Variants in DOCK3 observed in about 807,000 individuals in gnomAD.
The protein encoded by DOCK3 is dedicator of cytokinesis protein 3.
In DOCK3, 60 loss-of-function variants were observed where a neutral mutation model predicts 265.6. The ratio of observed to expected loss-of-function variants is 0.23; its 90% CI spans 0.18 to 0.28. The LOEUF (loss-of-function observed/expected upper bound fraction) is 0.28, where lower values mean the gene tolerates loss of function less well. DOCK3 is among the 10% of genes least tolerant of loss of function. The pLI, the probability that DOCK3 is intolerant of heterozygous loss-of-function variation, is 1.00. For missense variants in DOCK3, 1,981 were observed against 2,594.3 expected, an observed-to-expected ratio of 0.76 and a Z score of 5.14; for synonymous variants, 881 against 938.0, an observed-to-expected ratio of 0.94 and a Z score of 1.11.
At chr3:50,709,526 T>C (rs1432974855) in intron 1 of DOCK3, among the ~76,000 whole-genome samples, 1 of 152,170 alleles carries the variant, frequency 6.6e-6, no homozygotes, top group Non-Finnish European at 1.5e-5. Flanking sequence ...GCCATGATTT[T>C]TTTTTTTAAA....
chr3:51,290,225 C>T (rs756483149), intron 27 of DOCK3, among the ~76,000 whole-genome samples: 1 of 152,122 alleles, frequency 6.6e-6, no homozygotes, highest in Admixed American at 6.5e-5. Flanking sequence ...GCTATAAAGG[C>T]ACATGCACAT....
chr3:50,831,190 TTTATTTATTTA>T (rs372323329), intron 2 of DOCK3, among the ~76,000 whole-genome samples: 82,081 of 127,386 alleles, frequency 0.64, 22,920 homozygotes, highest in Middle Eastern at 0.74. Context: ...ACCTGTTTTA[TTTATTTATTTA>T]TTTATTTATT....
At chr3:51,199,908 A>G (rs2088603107) in intron 12 of DOCK3, among the ~76,000 whole-genome samples, 1 of 152,212 alleles carries the variant, frequency 6.6e-6, no homozygotes, top group African/African-American at 2.4e-5. Context: ...ACCGCTGCTG[A>G]TACCCAGGCA....
chr3:50,925,774 G>A (rs1382745490), intron 4 of DOCK3, among the ~76,000 whole-genome samples: 2 of 146,436 alleles, frequency 1.4e-5, no homozygotes, highest in Non-Finnish European at 3.0e-5. Flanking sequence ...AGGTAAAACT[G>A]TTCTTAAAGT....
intron 5 of DOCK3, among the ~76,000 whole-genome samples, chr3:50,970,932 TATATATATATATATA>T (rs2077200976): frequency 5.3e-5 from 4 of 75,434 alleles, no homozygotes; most frequent in East Asian, 4.4e-4. Flanking sequence ...TATATATATA[TATATATATATATATA>T]ATGTGTGTGT....
chr3:51,171,797 G>A (rs1036558956), intron 12 of DOCK3, among the ~76,000 whole-genome samples: 1 of 151,562 alleles, frequency 6.6e-6, no homozygotes, highest in Non-Finnish European at 1.5e-5. Flanking sequence ...ATGTGTGCTT[G>A]AGAGGAATGT....
chr3:51,363,596 C>G lies in DOCK3; in HGVS notation c.5293+922C>G, dbSNP rs567049904. ...TGGTGTGCTGCACCCGTTAACTCGT[C>G]ATTTACATTAGGTATATCTCCTAAT... On this transcript the variant is annotated intron_variant, in intron 49 of 52. Transcript: ENST00000266037. Among the ~76,000 whole-genome samples the G allele has an allele frequency of 3.9e-5, 6 of 152,336 alleles. No individual in the cohort carries two copies. The South Asian group carries it at 1.2e-3, about 32-fold the overall frequency.
In DOCK3 at chr3:50,999,372, T is replaced by G. The variant is rs542772190; in HGVS notation, c.316-65076T>G. 9.2e-5 allele frequency among the ~76,000 whole-genome samples: 14 copies of G among 152,340 alleles called. 1 individual carries two copies. Among genetic ancestry groups the G allele is most frequent in the African/African-American group, 2.6e-4 (11 of 41,574 alleles). ...AGAGTTAGACACTGTGATAGCAGGC[T>G]ATGGGGAGACTCAAAGGAGACAACA... On this transcript the variant is annotated intron_variant, in intron 5 of 52. Coordinates refer to ENST00000266037, the MANE Select transcript of DOCK3 (RefSeq NM_004947.5).
Position 50,869,266 on chromosome 3 carries a change from G to A in DOCK3, c.163-20760G>A, listed in dbSNP as rs142220966. On this transcript the variant is annotated intron_variant, in intron 3 of 52. Transcript: ENST00000266037. ...TGGGATTACAGGCGTGAGCCGCTGC[G>A]CCCAGCCAAAACCAACTCTTTTTTC... Among the ~76,000 whole-genome samples the A allele has an allele frequency of 3.1e-4, 47 of 149,346 alleles. 1 individual carries two copies. The highest frequency in any genetic ancestry group is 8.6e-4 in the South Asian group (4 of 4,658).
chr3:50,782,965 AT>A (rs34337890), intron 2 of DOCK3, among the ~76,000 whole-genome samples: 109,836 of 133,252 alleles, frequency 0.82, 45,127 homozygotes, highest in East Asian at 0.92. Flanking sequence ...GAATGCCATG[AT>A]TTTTTTTTTT....
chr3:51,253,107 T>C (rs541113094), intron 22 of DOCK3, among the ~76,000 whole-genome samples: 1 of 152,372 alleles, frequency 6.6e-6, no homozygotes, highest in East Asian at 1.9e-4. Context: ...CTTTTCTGCA[T>C]CTATTGAGAT....
chr3:50,792,866 T>C (rs2608998), intron 2 of DOCK3, among the ~76,000 whole-genome samples: 151,860 of 152,356 alleles, frequency 1, 75,690 homozygotes, highest in Middle Eastern at 1. Flanking sequence ...TGATGTTCAT[T>C]GAGGATATTG....
At chr3:51,158,211 CTCA>C (rs1451375258) in intron 10 of DOCK3, among the ~76,000 whole-genome samples, 5 of 152,108 alleles carry the variant, frequency 3.3e-5, no homozygotes, top group African/African-American at 1.2e-4. Context: ...ATAATGCGTA[CTCA>C]TCAACAAACA....
rs756847907 is a variant in DOCK3 at position 50,778,739 on chromosome 3, G to C, written c.102G>C (p.Gln34His). ...TCTTAGAAATAGGAGAAACAGTCCA[G>C]ATTCTTGAAAAATGTGAAGGTGAGT... Reference protein sequence around the residue: ...GLVLEIGETVQILEKCEGWYR... With the variant: ...GLVLEIGETVHILEKCEGWYR... Residue 34 changes from glutamine to histidine, a missense_variant, in exon 2 of 53, where the codon CAG (glutamine) becomes CAC (histidine). This residue lies in a region of DOCK3 where 456 missense variants were observed against 539.0 expected (regional missense o/e 0.85). Coordinates refer to ENST00000266037, the MANE Select transcript of DOCK3 (RefSeq NM_004947.5). 2 of 1,582,640 alleles carry C rather than the reference G, an allele frequency of 1.3e-6. No homozygotes were observed. The highest frequency in any genetic ancestry group is 2.7e-5 in the African/African-American group (2 of 74,538).
intron 1 of DOCK3, among the ~76,000 whole-genome samples, chr3:50,745,153 C>T (rs75496338): frequency 0.025 from 3,797 of 152,182 alleles, 183 homozygotes; most frequent in African/African-American, 0.087. Flanking sequence ...CTCTGTTGCT[C>T]TCCTGTCTCA....
chr3:50,792,955 G>C (rs2042569834), intron 2 of DOCK3, among the ~76,000 whole-genome samples: 1 of 152,180 alleles, frequency 6.6e-6, no homozygotes, highest in Admixed American at 6.6e-5. Context: ...CTCCTCCTTA[G>C]TTTTTTAGAA....
chr3:51,238,119 CTTTTTTTTTTTTTTTTTTTTTTTT>C (rs747331452), intron 21 of DOCK3, among the ~76,000 whole-genome samples: 15 of 47,486 alleles, frequency 3.2e-4, no homozygotes, highest in East Asian at 2.1e-3. Flanking sequence ...ATATTTACCA[CTTTTTTTTTTTTTTTTTTTTTTTT>C]TTTTTTTTTT....
At chr3:50,743,595 G>C (rs2039222450) in intron 1 of DOCK3, among the ~76,000 whole-genome samples, 1 of 151,816 alleles carries the variant, frequency 6.6e-6, no homozygotes, top group African/African-American at 2.4e-5. Flanking sequence ...AAGAGACAAG[G>C]CCATTACATA....
chr3:51,118,394 C>T (rs879052483), intron 9 of DOCK3, among the ~76,000 whole-genome samples: 1 of 151,922 alleles, frequency 6.6e-6, no homozygotes, highest in Non-Finnish European at 1.5e-5. Flanking sequence ...GGTCAATTTT[C>T]GAATAAGTGC....
Sources: gnomAD v4.1 joint callset for allele counts (sites outside exome capture counted in the v4.1 genomes callset) on GRCh38, gnomAD v4.1.1 for gene constraint, gnomAD v4.1.1 regional missense constraint, MANE v1.5 for transcripts, NCBI Gene and HGNC (gene_info 2026-07-23, HGNC 2026-07-21) for gene names.